PCDHGA5: variants seen among roughly 807,000 people sequenced by gnomAD.
PCDHGA5 encodes protocadherin gamma subfamily A, 5.
A neutral mutation model predicts 56.7 loss-of-function variants in PCDHGA5; 36 were observed. That is an observed-to-expected ratio of 0.64 (90% CI 0.49 to 0.84). The LOEUF (loss-of-function observed/expected upper bound fraction) is 0.84, where lower values mean the gene tolerates loss of function less well. PCDHGA5 is among the 40% of genes least tolerant of loss of function. The probability of loss-of-function intolerance (pLI) is 0.00; values close to 1 mark genes in which losing one functional copy is unlikely to be tolerated. For missense variants in PCDHGA5, 1,305 were observed against 1,201.5 expected (o/e 1.09, Z -1.27); for synonymous variants, 563 against 520.2 (o/e 1.08, Z -1.12).
chr5:141,454,796 A>ATTTTTTTT (rs61612330), intron 1 of PCDHGA5, among the ~76,000 whole-genome samples: 1,488 of 77,444 alleles, frequency 0.019, 251 homozygotes, highest in African/African-American at 0.042. Flanking sequence ...CATGGTTCTA[A>ATTTTTTTT]TTTTTTTTTT....
intron 1 of PCDHGA5, among the ~76,000 whole-genome samples, chr5:141,460,951 G>GTATA (rs200454978): frequency 7.9e-5 from 11 of 139,774 alleles, no homozygotes; most frequent in Middle Eastern, 3.7e-3. Context: ...TATGTATTAT[G>GTATA]TATATATATA....
chr5:141,482,071 A>G (rs2099551527), intron 1 of PCDHGA5, among the ~76,000 whole-genome samples: 1 of 145,394 alleles, frequency 6.9e-6, no homozygotes, highest in Non-Finnish European at 1.5e-5. Flanking sequence ...GGCAACAAGA[A>G]CAAAACTCAC....
intron 1 of PCDHGA5, among the ~76,000 whole-genome samples, chr5:141,470,068 G>A (rs1269966360): frequency 6.6e-6 from 1 of 152,240 alleles, no homozygotes; most frequent in East Asian, 1.9e-4. Flanking sequence ...GGCAGAGACT[G>A]TAGTGATCTG....
At chr5:141,457,820 C>CTCAG (rs2098930320) in intron 1 of PCDHGA5, among the ~76,000 whole-genome samples, 1 of 152,198 alleles carries the variant, frequency 6.6e-6, no homozygotes, top group African/African-American at 2.4e-5. Flanking sequence ...CCAAGATAAA[C>CTCAG]TCAGAGCTTC....
chr5:141,383,277 T>C, intron 1 of PCDHGA5: 9 of 1,613,888 alleles, frequency 5.6e-6, no homozygotes, highest in Non-Finnish European at 7.6e-6. Context: ...TAATAGATAT[T>C]AATGACAACG....
intron 2 of PCDHGA5, among the ~76,000 whole-genome samples, chr5:141,500,939 G>T (rs2099804123): frequency 6.6e-6 from 1 of 151,680 alleles, no homozygotes; most frequent in South Asian, 2.1e-4. Context: ...CGCCATCTCG[G>T]CTCACTGCAA....
At chr5:141,410,544 G>A (rs1370251538) in intron 1 of PCDHGA5, 3 of 1,613,640 alleles carry the variant, frequency 1.9e-6, no homozygotes, top group Non-Finnish European at 2.5e-6. Flanking sequence ...GACATGGTTT[G>A]CAGTGTTTCT....
At chr5:141,492,703 G>A (rs2099743198) in intron 1 of PCDHGA5, among the ~76,000 whole-genome samples, 1 of 152,246 alleles carries the variant, frequency 6.6e-6, no homozygotes, top group Non-Finnish European at 1.5e-5. Flanking sequence ...CAACCCAGAA[G>A]CCTCGAGCAG....
chr5:141,479,021 T>C (rs72790064), intron 1 of PCDHGA5, among the ~76,000 whole-genome samples: 1,892 of 152,352 alleles, frequency 0.012, 20 homozygotes, highest in Non-Finnish European at 0.018. Context: ...TAATTTTCCT[T>C]TGTTTATACA....
intron 1 of PCDHGA5, among the ~76,000 whole-genome samples, chr5:141,382,287 C>G (rs1263948846): frequency 7.2e-5 from 11 of 152,114 alleles, no homozygotes; most frequent in Non-Finnish European, 1.5e-4. Context: ...TCAATTAATA[C>G]TGAATTAATT....
At chr5:141,419,022 G>A in intron 1 of PCDHGA5, 1 of 1,613,960 alleles carries the variant, frequency 6.2e-7, no homozygotes, top group Non-Finnish European at 8.5e-7. Flanking sequence ...AGCTTAAGTA[G>A]AGGTGTTCCA....
chr5:141,477,568 C>G lies in PCDHGA5; in HGVS notation c.2422-17239C>G. 1 of 1,614,172 alleles carries G rather than the reference C, an allele frequency of 6.2e-7. No individual in the cohort carries two copies. Among genetic ancestry groups the G allele is most frequent in the Non-Finnish European group, 8.5e-7 (1 of 1,180,044 alleles). On this transcript the variant is annotated intron_variant, in intron 1 of 3. Coordinates refer to ENST00000518069, the MANE Select transcript of PCDHGA5 (RefSeq NM_018918.3). The surrounding 1 kb of genome is among the most constrained non-coding windows in gnomAD (Gnocchi z 4.9). ...TACTAAACCTAAGTGTCTGGGACCC[C>G]GACGCCCCGCAGAATGCTCGGCTTT...
At chr5:141,433,289 G>C in intron 1 of PCDHGA5, 1 of 1,130,682 alleles carries the variant, frequency 8.8e-7, no homozygotes, top group Non-Finnish European at 1.3e-6. Context: ...AAACTCCTAG[G>C]CTCAAGCAAT....
intron 1 of PCDHGA5, chr5:141,367,429 C>T (rs1303829786): frequency 6.6e-6 from 1 of 152,054 alleles, no homozygotes; most frequent in Non-Finnish European, 1.5e-5. Context: ...CCCAGCTACT[C>T]GGAAGGCTGA....
chr5:141,422,750 T>C (rs778578440), intron 1 of PCDHGA5: 4 of 1,611,900 alleles, frequency 2.5e-6, no homozygotes, highest in Non-Finnish European at 3.4e-6. Flanking sequence ...TATGTCTCTA[T>C]TAACTCCAAC....
At chr5:141,446,079 A>T (rs2098487021) in intron 1 of PCDHGA5, among the ~76,000 whole-genome samples, 1 of 152,234 alleles carries the variant, frequency 6.6e-6, no homozygotes, top group Non-Finnish European at 1.5e-5. Context: ...CAGTGGATGT[A>T]GAAATAAATG....
chr5:141,492,461 G>T (rs1218833302), intron 1 of PCDHGA5, among the ~76,000 whole-genome samples: 1 of 152,212 alleles, frequency 6.6e-6, no homozygotes, highest in Non-Finnish European at 1.5e-5. Flanking sequence ...CGCGCCTGAG[G>T]GTCCCAGATC....
At chr5:141,393,912 G>A (rs1430302094) in intron 1 of PCDHGA5, 1 of 1,613,924 alleles carries the variant, frequency 6.2e-7, no homozygotes. Context: ...GACAGTAATT[G>A]CCTTCTTGAG....
intron 1 of PCDHGA5, chr5:141,388,637 T>C (rs993746447): frequency 6.2e-7 from 1 of 1,613,880 alleles, no homozygotes; most frequent in Non-Finnish European, 8.5e-7. Flanking sequence ...GGGTGAGCCT[T>C]TCAGAAAACG....
Sources: gnomAD v4.1 joint callset for allele counts (sites outside exome capture counted in the v4.1 genomes callset) on GRCh38, gnomAD v4.1.1 for gene constraint, Gnocchi (gnomAD v3.1) non-coding constraint, MANE v1.5 for transcripts, NCBI Gene and HGNC (gene_info 2026-07-23, HGNC 2026-07-21) for gene names.